Variants in GPC6 observed in about 807,000 individuals in gnomAD.
GPC6 encodes glypican 6.
GPC6 carries 14 observed loss-of-function variants against 55.2 expected under a neutral mutation model. That is an observed-to-expected ratio of 0.25 (90% CI 0.17 to 0.40). The LOEUF is 0.40. GPC6 is among the 10% of genes least tolerant of loss of function. GPC6 has a pLI of 1.00. For missense variants in GPC6, 641 were observed against 708.5 expected (o/e 0.90, Z 1.08); for synonymous variants, 278 against 259.6 (o/e 1.07, Z -0.68).
intron 2 of GPC6, among the ~76,000 whole-genome samples, chr13:93,817,025 G>A (rs1205944384): frequency 6.6e-6 from 1 of 152,034 alleles, no homozygotes; most frequent in Non-Finnish European, 1.5e-5. Context: ...TTTGTTAAAG[G>A]GAGTCCTGTA....
rs35858695 is a variant in GPC6, at chr13:93,930,275, G to GTTTTTTTTTTTTTTTTTTTTTTTTTTTTT, written c.712-97441_712-97440insTTTTTTTTTTTTTTTTTTTTTTTTTTTTT. On this transcript the variant is annotated intron_variant, in intron 3 of 8. Coordinates refer to ENST00000377047, the MANE Select transcript of GPC6 (RefSeq NM_005708.5). The stretch of plus-strand genomic sequence containing the variant: ...TTTTAAAGGTTATTGGAAACGAAAG[G>GTTTTTTTTTTTTTTTTTTTTTTTTTTTTT]TTTTTTTTTTTTTGTAGACAGAGTC... 4.8e-5 allele frequency among the ~76,000 whole-genome samples: 6 copies of GTTTTTTTTTTTTTTTTTTTTTTTTTTTTT among 123,850 alleles called. 1 individual carries two copies. The highest frequency in any genetic ancestry group is 1.9e-4 in the African/African-American group (6 of 31,302). 81.3% of individuals were successfully genotyped at this position (123,850 alleles called of 152,430 possible). A position where few individuals can be genotyped will look rare whatever the true frequency, so the allele number is the denominator to read the frequency against.
chr13:93,919,960 C>G (rs1232495663), intron 3 of GPC6, among the ~76,000 whole-genome samples: 2 of 152,132 alleles, frequency 1.3e-5, no homozygotes, highest in Non-Finnish European at 2.9e-5. Context: ...GTCTTTCTCT[C>G]CTCTGTTTCC....
intron 6 of GPC6, among the ~76,000 whole-genome samples, chr13:94,342,036 A>G (rs1469268436): frequency 6.6e-6 from 1 of 152,240 alleles, no homozygotes; most frequent in East Asian, 1.9e-4. Flanking sequence ...AATCACTCAA[A>G]TACTGTAAAA....
intron 2 of GPC6, among the ~76,000 whole-genome samples, chr13:93,769,096 G>A (rs935769431): frequency 4.0e-5 from 6 of 151,810 alleles, no homozygotes; most frequent in Admixed American, 2.6e-4. Context: ...ATTTTTCATC[G>A]GCTCATTCCC....
chr13:93,807,514 G>A (rs865914238), intron 2 of GPC6, among the ~76,000 whole-genome samples: 1 of 152,290 alleles, frequency 6.6e-6, no homozygotes, highest in Admixed American at 6.5e-5. Context: ...TGTGTGATGT[G>A]CCTGAACTGG....
intron 1 of GPC6, among the ~76,000 whole-genome samples, chr13:93,337,751 C>T (rs9561316): frequency 0.12 from 17,552 of 152,164 alleles, 1,400 homozygotes; most frequent in East Asian, 0.38. Context: ...ACAAAGAGAA[C>T]GAATTCTTTT....
intron 6 of GPC6, among the ~76,000 whole-genome samples, chr13:94,381,009 C>G (rs1435219847): frequency 6.6e-6 from 1 of 152,116 alleles, no homozygotes; most frequent in Non-Finnish European, 1.5e-5. Flanking sequence ...TTTGGGGCTG[C>G]CTAAGTGATG....
At chr13:93,627,767 G>A (rs1218350730) in intron 2 of GPC6, among the ~76,000 whole-genome samples, 1 of 152,076 alleles carries the variant, frequency 6.6e-6, no homozygotes, top group Admixed American at 6.6e-5. Context: ...AAGCTCTATG[G>A]TTTTTATCGT....
In GPC6 at chr13:93,520,742, G is replaced by C. The variant is rs1159115633; in HGVS notation, c.161-24521G>C. Among the ~76,000 whole-genome samples, 4 of 151,846 alleles carry C rather than the reference G, an allele frequency of 2.6e-5. No homozygotes were observed. The East Asian group carries it at 7.7e-4, about 29-fold the overall frequency. On this transcript the variant is annotated intron_variant, in intron 1 of 8. Transcript: ENST00000377047. ...TAAATTTGGACTGTTTTTCATAGTAGATAACTTACATGGACAAACTATACA... is the reference window on the plus strand; with the variant it reads ...TAAATTTGGACTGTTTTTCATAGTACATAACTTACATGGACAAACTATACA...
At chr13:93,827,458 AC>A (rs1887306149) in intron 2 of GPC6, among the ~76,000 whole-genome samples, 1 of 152,168 alleles carries the variant, frequency 6.6e-6, no homozygotes, top group African/African-American at 2.4e-5. Flanking sequence ...TTGCCTCAGT[AC>A]CTTGGATCTC....
intron 4 of GPC6, among the ~76,000 whole-genome samples, chr13:94,054,731 C>T (rs1275178807): frequency 2.6e-5 from 4 of 152,174 alleles, no homozygotes; most frequent in Non-Finnish European, 5.9e-5. Flanking sequence ...TTTGTTTGCA[C>T]TTTATAAGGA....
At chr13:93,755,839 G>C (rs1455423391) in intron 2 of GPC6, among the ~76,000 whole-genome samples, 1 of 152,084 alleles carries the variant, frequency 6.6e-6, no homozygotes, top group Non-Finnish European at 1.5e-5. Context: ...ATCATTGTAT[G>C]TTATACATTC....
chr13:93,477,793 T>C (rs377221718), intron 1 of GPC6, among the ~76,000 whole-genome samples: 13 of 152,096 alleles, frequency 8.5e-5, no homozygotes, highest in Non-Finnish European at 1.9e-4. Flanking sequence ...TATTTGAGAG[T>C]TCCTTTAATT....
chr13:93,352,383 T>A (rs1880661029), intron 1 of GPC6, among the ~76,000 whole-genome samples: 1 of 152,244 alleles, frequency 6.6e-6, no homozygotes, highest in African/African-American at 2.4e-5. Flanking sequence ...TGTTTAAGGT[T>A]ATGTTTAGAT....
At chr13:94,224,230 G>A (rs558602433) in intron 4 of GPC6, among the ~76,000 whole-genome samples, 1 of 140,894 alleles carries the variant, frequency 7.1e-6, no homozygotes, top group East Asian at 2.1e-4. Flanking sequence ...TACAGACAGA[G>A]TCTTTATTTT....
chr13:93,463,494 A>T (rs1399075286), intron 1 of GPC6, among the ~76,000 whole-genome samples: 1 of 152,134 alleles, frequency 6.6e-6, no homozygotes, highest in Admixed American at 6.5e-5. Flanking sequence ...ATCCACTTAA[A>T]GAGTTCTTGT....
chr13:93,233,157 G>GAT (rs1472326674), intron 1 of GPC6, among the ~76,000 whole-genome samples: 3 of 151,970 alleles, frequency 2.0e-5, no homozygotes, highest in South Asian at 4.2e-4. Context: ...AATTTTCAAT[G>GAT]ATATATATAG....
At chr13:94,222,309 T>C (rs1009939665) in intron 4 of GPC6, among the ~76,000 whole-genome samples, 13 of 152,104 alleles carry the variant, frequency 8.5e-5, no homozygotes, top group African/African-American at 2.7e-4. Flanking sequence ...CTCTAAAACA[T>C]TGGATCTCAG....
At chr13:93,476,484 G>C (rs1879307089) in intron 1 of GPC6, among the ~76,000 whole-genome samples, 1 of 152,034 alleles carries the variant, frequency 6.6e-6, no homozygotes, top group Non-Finnish European at 1.5e-5. Context: ...CAACTGCGGG[G>C]TTCTGCATGC....
Sources: gnomAD v4.1 joint callset for allele counts (sites outside exome capture counted in the v4.1 genomes callset) on GRCh38, gnomAD v4.1.1 for gene constraint, MANE v1.5 for transcripts, NCBI Gene and HGNC (gene_info 2026-07-23, HGNC 2026-07-21) for gene names.